The following OLAH variants were observed in gnomAD, a reference collection of about 807,000 sequenced individuals.
OLAH encodes the protein oleoyl-ACP hydrolase.
In OLAH, 33 loss-of-function variants were observed where a neutral mutation model predicts 27.8. That is an observed-to-expected ratio of 1.19 (90% CI 0.90 to 1.59). The LOEUF (loss-of-function observed/expected upper bound fraction) is 1.59, where lower values mean the gene tolerates loss of function less well. Ranked by LOEUF, OLAH falls within the 40% of genes most tolerant of loss-of-function variation. The pLI is 0.00. For missense variants in OLAH, 359 were observed against 310.8 expected (o/e 1.16, Z -1.17); for synonymous variants, 120 against 102.9 (o/e 1.17, Z -1.01).
intron 3 of OLAH, among the ~76,000 whole-genome samples, chr10:15,050,206 C>A (rs1844107494): frequency 6.6e-6 from 1 of 152,162 alleles, no homozygotes; most frequent in Non-Finnish European, 1.5e-5. Context: ...TTGCTTGAGG[C>A]CAGGAGTTCA....
intron 6 of OLAH, 152 bp from the exon 7 acceptor site, chr10:15,071,643 T>A (rs1844588306): frequency 1.4e-6 from 2 of 1,411,486 alleles, no homozygotes; most frequent in Admixed American, 5.9e-5. Context: ...CTTTGACAGG[T>A]AGAAGTGCCA....
intron 1 of OLAH, among the ~76,000 whole-genome samples, chr10:15,044,910 T>C (rs535985022): frequency 5.6e-4 from 86 of 152,324 alleles, no homozygotes; most frequent in African/African-American, 1.9e-3. Context: ...TGTAATCTAT[T>C]CTGCTGGACA....
chr10:15,044,917 G>C (rs1486259272), intron 1 of OLAH, among the ~76,000 whole-genome samples: 1 of 152,062 alleles, frequency 6.6e-6, no homozygotes, highest in African/African-American at 2.4e-5. Flanking sequence ...TATTCTGCTG[G>C]ACATTTGCTG....
intron 3 of OLAH, among the ~76,000 whole-genome samples, chr10:15,050,674 G>A (rs1264347486): frequency 3.3e-5 from 5 of 151,526 alleles, no homozygotes. Flanking sequence ...CCAAGTAGCT[G>A]GAACTACAGG....
intron 1 of OLAH, among the ~76,000 whole-genome samples, chr10:15,037,652 G>C (rs1326202): frequency 0.27 from 40,357 of 151,660 alleles, 5,958 homozygotes; most frequent in East Asian, 0.49. Context: ...CTAACCGATA[G>C]CTAGATGGCT....
upstream of OLAH, among the ~76,000 whole-genome samples, chr10:15,040,587 C>T (rs1424260211): frequency 2.0e-5 from 3 of 152,154 alleles, no homozygotes; most frequent in Non-Finnish European, 4.4e-5. Flanking sequence ...CCTTCCTTCC[C>T]TTCCCCACTT....
At chr10:15,038,353 T>C (rs1184618247) in intron 1 of OLAH, among the ~76,000 whole-genome samples, 1 of 152,114 alleles carries the variant, frequency 6.6e-6, no homozygotes, top group Non-Finnish European at 1.5e-5. Flanking sequence ...TAGGAAGGCA[T>C]GATTGGTTTT....
chr10:15,063,390 C>T (rs1184357356), intron 4 of OLAH, among the ~76,000 whole-genome samples: 1 of 152,198 alleles, frequency 6.6e-6, no homozygotes, highest in African/African-American at 2.4e-5. Context: ...CTCCGCCTCT[C>T]AAAATGTTGG....
Position 15,073,456 on chromosome 10 carries a change from C to G in OLAH, c.*227C>G, listed in dbSNP as rs539096868. On this transcript the variant is annotated 3_prime_UTR_variant, in exon 8 of 8. Coordinates refer to ENST00000378228, the MANE Select transcript of OLAH (RefSeq NM_001039702.3). Reference sequence around the variant, plus strand: ...CGGGCGGATCACGAGGTCAGGAGATCGAGACCGTCCTGGCTAACACCGTGA... The same window carrying G: ...CGGGCGGATCACGAGGTCAGGAGATGGAGACCGTCCTGGCTAACACCGTGA... The G allele has an allele frequency of 9.9e-4, 393 of 397,350 alleles. 5 individuals carry two copies. The highest frequency in any genetic ancestry group is 1.6e-4 in the Non-Finnish European group (36 of 220,136). The allele number at this position is 397,350 out of a possible 1,614,324, so 24.6% of individuals were successfully genotyped here.
chr10:15,040,288 C>G (rs922564463), upstream of OLAH, among the ~76,000 whole-genome samples: 1 of 152,126 alleles, frequency 6.6e-6, no homozygotes, highest in African/African-American at 2.4e-5. Context: ...TTGGGTCAAC[C>G]CATCTGTTCA....
upstream of OLAH, among the ~76,000 whole-genome samples, chr10:15,041,569 T>C (rs570239834): frequency 8.3e-5 from 12 of 144,636 alleles, no homozygotes; most frequent in Non-Finnish European, 9.0e-5. Flanking sequence ...TGAGCCACCA[T>C]ACCCAGCCAT....
At chr10:15,055,763 A>G (rs1844233139) in intron 3 of OLAH, among the ~76,000 whole-genome samples, 1 of 152,128 alleles carries the variant, frequency 6.6e-6, no homozygotes. Flanking sequence ...TACCAATATA[A>G]TTGAAGTCTC....
intron 3 of OLAH, among the ~76,000 whole-genome samples, chr10:15,059,659 A>T (rs1844323873): frequency 6.6e-6 from 1 of 151,938 alleles, no homozygotes; most frequent in Admixed American, 6.6e-5. Context: ...TACAAAAATT[A>T]CCCGGGTGTG....
At position 15,046,167 on chromosome 10, in the gene OLAH, G is replaced by A. The variant is rs560719312; in HGVS notation, c.-163-959G>A. Among the ~76,000 whole-genome samples the A allele has an allele frequency of 1.1e-3, 166 of 152,008 alleles. 1 individual carries two copies. Among genetic ancestry groups the A allele is most frequent in the Middle Eastern group, 3.4e-3 (1 of 294 alleles). ...TTGAGACCAGCCTGGGCAACATGGCGAAACCCTGTCTTTACTAAAAATACA... is the reference window on the plus strand; with the variant it reads ...TTGAGACCAGCCTGGGCAACATGGCAAAACCCTGTCTTTACTAAAAATACA... On this transcript the variant is annotated intron_variant, in intron 1 of 7. Coordinates refer to ENST00000378228, the MANE Select transcript of OLAH (RefSeq NM_001039702.3).
At chr10:15,047,855 T>C (rs1844052476) in intron 2 of OLAH, among the ~76,000 whole-genome samples, 1 of 152,206 alleles carries the variant, frequency 6.6e-6, no homozygotes, top group South Asian at 2.1e-4. Flanking sequence ...AGAAAATCTC[T>C]CATTTTATGA....
intron 3 of OLAH, chr10:15,056,856 C>T: frequency 6.6e-7 from 1 of 1,518,102 alleles, no homozygotes; most frequent in African/African-American, 1.4e-5. Flanking sequence ...CAAGGCTGGT[C>T]TCAAACTCCG....
chr10:15,070,803 T>TTG (rs1844569682), intron 6 of OLAH, among the ~76,000 whole-genome samples: 1 of 120,306 alleles, frequency 8.3e-6, no homozygotes, highest in Non-Finnish European at 1.7e-5. Flanking sequence ...TTTTTTTTTT[T>TTG]GAGACAGGAT....
chr10:15,039,464 C>A (rs1468765154), upstream of OLAH, among the ~76,000 whole-genome samples: 18 of 152,078 alleles, frequency 1.2e-4, no homozygotes, highest in Admixed American at 9.8e-4. Flanking sequence ...GTAATTCCAG[C>A]TACTTGGGAG....
At chr10:15,035,974 C>A (rs1224136388) in intron 1 of OLAH, among the ~76,000 whole-genome samples, 1 of 152,096 alleles carries the variant, frequency 6.6e-6, no homozygotes, top group South Asian at 2.1e-4. Flanking sequence ...GTGTGGTTTA[C>A]CCATGGCCTC....
Sources: allele counts gnomAD v4.1 joint callset (sites outside exome capture counted in the v4.1 genomes callset), GRCh38; gene constraint gnomAD v4.1.1; transcripts MANE v1.5; gene names NCBI Gene and HGNC (gene_info 2026-07-23, HGNC 2026-07-21).